OTUD7A: variants seen among roughly 807,000 people sequenced by gnomAD.
The protein encoded by OTUD7A is OTU deubiquitinase 7A, also known as OTU domain-containing protein 7A.
A neutral mutation model predicts 65.7 loss-of-function variants in OTUD7A; 12 were observed. That is an observed-to-expected ratio of 0.18 (90% CI 0.12 to 0.30). OTUD7A has a LOEUF of 0.30. Among genes scored for constraint, OTUD7A ranks in the 10% least tolerant of loss-of-function variants. The probability of loss-of-function intolerance (pLI) is 1.00; values close to 1 mark genes in which losing one functional copy is unlikely to be tolerated. For missense variants in OTUD7A, 1,148 were observed against 1,304.8 expected, an observed-to-expected ratio of 0.88 and a Z score of 1.85; for synonymous variants, 641 against 586.3, an observed-to-expected ratio of 1.09 and a Z score of -1.35.
At chr15:31,736,158 C>G (rs1001301044) in intron 1 of OTUD7A, among the ~76,000 whole-genome samples, 2 of 152,116 alleles carry the variant, frequency 1.3e-5, no homozygotes, top group African/African-American at 4.8e-5. Context: ...AACAAACCCC[C>G]ACAACACAAG....
At chr15:31,589,953 T>G (rs1263383329) in intron 3 of OTUD7A, among the ~76,000 whole-genome samples, 1 of 152,198 alleles carries the variant, frequency 6.6e-6, no homozygotes, top group Non-Finnish European at 1.5e-5. Context: ...GAAAAAAACC[T>G]TTCAATTTGG....
At chr15:31,613,342 A>T (rs1890486882) in intron 3 of OTUD7A, among the ~76,000 whole-genome samples, 1 of 152,230 alleles carries the variant, frequency 6.6e-6, no homozygotes, top group Admixed American at 6.5e-5. Flanking sequence ...AGGAACAGCC[A>T]GCAGAGTAAA....
chr15:31,530,852 G>A, intron 5 of OTUD7A, 44 bp from the exon 6 acceptor site: 11 of 1,524,070 alleles, frequency 7.2e-6, no homozygotes, highest in Non-Finnish European at 9.9e-6. Flanking sequence ...AGAAAAGGAA[G>A]GGGCCACTGG....
chr15:31,864,547 T>C (rs892637910), intron 1 of OTUD7A, among the ~76,000 whole-genome samples: 1 of 152,144 alleles, frequency 6.6e-6, no homozygotes, highest in Non-Finnish European at 1.5e-5. Flanking sequence ...ACTTATTCAC[T>C]ATCACGAGTA....
At chr15:31,552,049 C>A (rs1348040600) in intron 5 of OTUD7A, among the ~76,000 whole-genome samples, 1 of 152,158 alleles carries the variant, frequency 6.6e-6, no homozygotes, top group Non-Finnish European at 1.5e-5. Context: ...AGGGTGCCAT[C>A]CTCGCAGTAA....
intron 5 of OTUD7A, among the ~76,000 whole-genome samples, chr15:31,553,295 C>A (rs1888384874): frequency 6.6e-6 from 1 of 152,156 alleles, no homozygotes; most frequent in African/African-American, 2.4e-5. Flanking sequence ...TACTGTAGGG[C>A]CCCAGCCTGA....
intron 1 of OTUD7A, among the ~76,000 whole-genome samples, chr15:31,687,373 A>C (rs1311792043): frequency 6.6e-6 from 1 of 152,130 alleles, no homozygotes; most frequent in East Asian, 1.9e-4. Context: ...TGTCACTCAG[A>C]TTTATTAGCA....
At chr15:31,641,318 T>C (rs1293494587) in intron 3 of OTUD7A, among the ~76,000 whole-genome samples, 3 of 152,200 alleles carry the variant, frequency 2.0e-5, no homozygotes, top group Non-Finnish European at 4.4e-5. Context: ...CTAAGCCTCT[T>C]TCCTTTATAA....
chr15:31,820,966 GC>G (rs1383009563), intron 1 of OTUD7A, among the ~76,000 whole-genome samples: 1 of 151,458 alleles, frequency 6.6e-6, no homozygotes, highest in Non-Finnish European at 1.5e-5. Context: ...TCCCTCCGAG[GC>G]CCCCAGCCCT....
At chr15:31,731,773 GAC>G (rs1338396231) in intron 1 of OTUD7A, among the ~76,000 whole-genome samples, 2 of 152,156 alleles carry the variant, frequency 1.3e-5, no homozygotes, top group Non-Finnish European at 2.9e-5. Context: ...GGGAGGCTGA[GAC>G]AATGGAGGAG....
intron 1 of OTUD7A, among the ~76,000 whole-genome samples, chr15:31,777,314 T>C (rs1399222691): frequency 6.6e-6 from 1 of 152,188 alleles, no homozygotes; most frequent in Non-Finnish European, 1.5e-5. Flanking sequence ...CCCATCACCT[T>C]GGGGGTTAGG....
intron 3 of OTUD7A, among the ~76,000 whole-genome samples, chr15:31,599,027 T>A (rs1889995588): frequency 6.6e-6 from 1 of 151,952 alleles, no homozygotes; most frequent in Admixed American, 6.6e-5. Flanking sequence ...TAGATAAAAC[T>A]CCCATCTCCC....
intron 3 of OTUD7A, among the ~76,000 whole-genome samples, chr15:31,604,686 A>T (rs992615883): frequency 1.3e-5 from 2 of 152,236 alleles, no homozygotes; most frequent in African/African-American, 4.8e-5. Flanking sequence ...CATAAAGTGC[A>T]TTAAGTTAGT....
rs1456747534 is a variant in OTUD7A, at chr15:31,506,018, G to A, written c.894-2200C>T. On this transcript the variant is annotated intron_variant, in intron 8 of 12. Coordinates refer to ENST00000307050, the MANE Select transcript of OTUD7A (RefSeq NM_001382637.1). The stretch of plus-strand genomic sequence containing the variant: ...CTCCCAAAGTGCTGGGATTACAGAC[G>A]TGAGCCACCATGCCTGGCCACAATT... 3.9e-5 allele frequency among the ~76,000 whole-genome samples: 6 copies of A among 152,070 alleles called. No homozygotes were observed. The South Asian group carries it at 6.2e-4, about 16-fold the overall frequency.
chr15:31,678,929 A>G (rs1453672341), intron 1 of OTUD7A, among the ~76,000 whole-genome samples: 1 of 152,188 alleles, frequency 6.6e-6, no homozygotes, highest in Non-Finnish European at 1.5e-5. Flanking sequence ...AGTCGCAGAC[A>G]CTCAACACAA....
At chr15:31,526,604 C>T (rs543804855) in intron 7 of OTUD7A, 143 bp from the exon 8 acceptor site, 19 of 592,758 alleles carry the variant, frequency 3.2e-5, no homozygotes, top group Non-Finnish European at 4.3e-5. Flanking sequence ...CAACTGCACC[C>T]TCTTGGCCAC....
chr15:31,665,911 G>A (rs544008368), intron 1 of OTUD7A, among the ~76,000 whole-genome samples: 13 of 152,220 alleles, frequency 8.5e-5, no homozygotes, highest in African/African-American at 2.2e-4. Context: ...CTATCGAGAC[G>A]ATCACGTGAT....
chr15:31,517,897 T>C (rs1381714543), intron 8 of OTUD7A, among the ~76,000 whole-genome samples: 1 of 152,068 alleles, frequency 6.6e-6, no homozygotes, highest in Non-Finnish European at 1.5e-5. Context: ...GCGCGTGTCA[T>C]AGATAAGGAA....
At chr15:31,514,018 CTCA>C (rs2041803298) in intron 8 of OTUD7A, among the ~76,000 whole-genome samples, 1 of 150,928 alleles carries the variant, frequency 6.6e-6, no homozygotes, top group Non-Finnish European at 1.5e-5. Context: ...TTTTGACATC[CTCA>C]TCATTTCTTT....
Sources: allele counts gnomAD v4.1 joint callset (sites outside exome capture counted in the v4.1 genomes callset), GRCh38; gene constraint gnomAD v4.1.1; transcripts MANE v1.5; gene names NCBI Gene and HGNC (gene_info 2026-07-23, HGNC 2026-07-21).